NELL1: variants seen among roughly 807,000 people sequenced by gnomAD.
NELL1 encodes protein kinase C-binding protein NELL1.
In NELL1, 76 loss-of-function variants were observed where a neutral mutation model predicts 107.4. The observed-to-expected ratio is 0.71, with a 90% CI of 0.59 to 0.86. NELL1 has a LOEUF of 0.86. Ranked by LOEUF, NELL1 falls within the 40% of genes least tolerant of loss-of-function variation. The probability of loss-of-function intolerance (pLI) is 0.00; values close to 1 mark genes in which losing one functional copy is unlikely to be tolerated. For synonymous variants in NELL1, 353 were observed against 341.2 expected, an observed-to-expected ratio of 1.03 and a Z score of -0.38; for missense variants, 1,024 against 1,005.5, an observed-to-expected ratio of 1.02 and a Z score of -0.25.
rs1056329582 is a variant in NELL1, at chr11:21,059,529, C to G, written c.1301-54060C>G. On this transcript the variant is annotated intron_variant, in intron 12 of 19. Transcript: ENST00000357134. The stretch of plus-strand genomic sequence containing the variant: ...TCCCAATAAGAAAGTATTAATTACC[C>G]TGGTATAATATTTTATTTCACCAAG... 4.6e-5 allele frequency among the ~76,000 whole-genome samples: 7 copies of G among 152,046 alleles called. No homozygotes were observed. In the East Asian group the frequency reaches 1.2e-3, roughly 25 times the overall value.
chr11:20,736,157 G>A (rs925849836), intron 2 of NELL1, among the ~76,000 whole-genome samples: 2 of 152,194 alleles, frequency 1.3e-5, no homozygotes, highest in South Asian at 2.1e-4. Flanking sequence ...CTGAGGGCAA[G>A]TGGGGGGTGA....
intron 3 of NELL1, among the ~76,000 whole-genome samples, chr11:20,836,673 A>G (rs148220209): frequency 6.6e-4 from 100 of 152,188 alleles, no homozygotes; most frequent in African/African-American, 2.2e-3. Flanking sequence ...GCATGTTACT[A>G]AGTGAAAGAA....
At chr11:21,393,236 A>G (rs946581760) in intron 15 of NELL1, among the ~76,000 whole-genome samples, 2 of 151,754 alleles carry the variant, frequency 1.3e-5, no homozygotes, top group Non-Finnish European at 2.9e-5. Context: ...CTGGAAAGAG[A>G]ATTCAACAAG....
chr11:21,506,158 G>T (rs926670528), intron 15 of NELL1, among the ~76,000 whole-genome samples: 5 of 152,234 alleles, frequency 3.3e-5, no homozygotes, highest in African/African-American at 9.6e-5. Flanking sequence ...ATCCAATGTG[G>T]GTTGTATTAC....
chr11:21,186,310 C>T (rs1288815481), intron 13 of NELL1, among the ~76,000 whole-genome samples: 1 of 151,818 alleles, frequency 6.6e-6, no homozygotes, highest in Non-Finnish European at 1.5e-5. Flanking sequence ...GGGACCTTGA[C>T]ACCTGTTAGA....
At chr11:21,537,215 C>G (rs1050862677) in intron 16 of NELL1, among the ~76,000 whole-genome samples, 61 of 152,158 alleles carry the variant, frequency 4.0e-4, no homozygotes, top group African/African-American at 1.1e-3. Flanking sequence ...GGGCAAACAA[C>G]TATGTAAGTC....
At chr11:21,359,929 A>G (rs541616210) in intron 14 of NELL1, among the ~76,000 whole-genome samples, 1 of 152,074 alleles carries the variant, frequency 6.6e-6, no homozygotes, top group South Asian at 2.1e-4. Flanking sequence ...TTATCTTTTC[A>G]AGAACCAGCA....
chr11:20,930,096 A>T (rs1176264801), intron 9 of NELL1, among the ~76,000 whole-genome samples: 1 of 152,012 alleles, frequency 6.6e-6, no homozygotes, highest in Admixed American at 6.5e-5. Context: ...TGTTGTTTGG[A>T]CATGGAAGTA....
chr11:21,304,390 C>T lies in NELL1; in HGVS notation c.1550-66463C>T, dbSNP rs113126076. On this transcript the variant is annotated intron_variant, in intron 14 of 19. Transcript: ENST00000357134. ...CAGGAGTCAGAGACAGGGCTTGAAC[C>T]CTGGTCCCTTTGACTCCGAAGTCTA... Among the ~76,000 whole-genome samples, 592 of 152,056 alleles carry T rather than the reference C, an allele frequency of 3.9e-3. 5 individuals are homozygous for T. The highest frequency in any genetic ancestry group is 0.013 in the African/African-American group (560 of 41,488).
At chr11:20,983,699 C>G (rs6483742) in intron 12 of NELL1, among the ~76,000 whole-genome samples, 22,515 of 152,122 alleles carry the variant, frequency 0.15, 2,105 homozygotes, top group East Asian at 0.26. Flanking sequence ...TTTCATGTTT[C>G]TCATCTCAAC....
At chr11:21,505,615 TC>T (rs1855260084) in intron 15 of NELL1, among the ~76,000 whole-genome samples, 1 of 152,202 alleles carries the variant, frequency 6.6e-6, no homozygotes, top group Admixed American at 6.5e-5. Context: ...ATGTGATATT[TC>T]CTATACCTAG....
intron 14 of NELL1, among the ~76,000 whole-genome samples, chr11:21,362,115 A>G (rs1029551154): frequency 6.6e-6 from 1 of 151,994 alleles, no homozygotes; most frequent in Non-Finnish European, 1.5e-5. Context: ...TTTTCATTTG[A>G]GTGGACGAAT....
intron 14 of NELL1, among the ~76,000 whole-genome samples, chr11:21,248,791 T>C (rs913480101): frequency 6.6e-6 from 1 of 152,310 alleles, no homozygotes; most frequent in African/African-American, 2.4e-5. Context: ...ACAGTGCATT[T>C]TCCTGGCCAC....
intron 12 of NELL1, among the ~76,000 whole-genome samples, chr11:21,052,734 A>C (rs1240248035): frequency 1.3e-5 from 2 of 152,136 alleles, no homozygotes; most frequent in South Asian, 2.1e-4. Context: ...AAGCCCCCAC[A>C]TCAAACCTTG....
intron 12 of NELL1, among the ~76,000 whole-genome samples, chr11:21,074,515 G>A (rs998448148): frequency 6.6e-6 from 1 of 152,056 alleles, no homozygotes; most frequent in Non-Finnish European, 1.5e-5. Flanking sequence ...AGGCAATTCT[G>A]GTAATCCAGG....
At chr11:21,284,794 A>G (rs1350394820) in intron 14 of NELL1, 11 of 340,638 alleles carry the variant, frequency 3.2e-5, no homozygotes, top group Admixed American at 1.6e-4. Flanking sequence ...ATCATGCTGG[A>G]TTACCTCAAA....
At chr11:21,180,241 A>G (rs887505964) in intron 13 of NELL1, among the ~76,000 whole-genome samples, 3 of 151,854 alleles carry the variant, frequency 2.0e-5, no homozygotes, top group Admixed American at 6.6e-5. Context: ...CGTCTGGAAG[A>G]AGAACAAACT....
At chr11:21,181,034 C>G (rs770761031) in intron 13 of NELL1, among the ~76,000 whole-genome samples, 1 of 151,698 alleles carries the variant, frequency 6.6e-6, no homozygotes, top group Non-Finnish European at 1.5e-5. Flanking sequence ...CCTATACTTC[C>G]CCATTAAAGT....
intron 2 of NELL1, among the ~76,000 whole-genome samples, chr11:20,772,255 C>T (rs972414983): frequency 6.6e-6 from 1 of 152,082 alleles, no homozygotes; most frequent in African/African-American, 2.4e-5. Flanking sequence ...AGTGTTGCTA[C>T]GTAGGGGAGG....
Sources: gnomAD v4.1 joint callset for allele counts (sites outside exome capture counted in the v4.1 genomes callset) on GRCh38, gnomAD v4.1.1 for gene constraint, MANE v1.5 for transcripts, NCBI Gene and HGNC (gene_info 2026-07-23, HGNC 2026-07-21) for gene names.